Variants in OPHN1 observed in about 807,000 individuals in gnomAD.
OPHN1 encodes the protein oligophrenin-1.
OPHN1 carries 11 observed loss-of-function variants against 60.7 expected under a neutral mutation model. The ratio of observed to expected loss-of-function variants is 0.18; its 90% CI spans 0.11 to 0.30. The LOEUF (loss-of-function observed/expected upper bound fraction) is 0.30, where lower values mean the gene tolerates loss of function less well. Ranked by LOEUF, OPHN1 falls within the 10% of genes least tolerant of loss-of-function variation. OPHN1 has a pLI of 1.00. For missense variants in OPHN1, 449 were observed against 611.0 expected, an observed-to-expected ratio of 0.73 and a Z score of 2.80; for synonymous variants, 226 against 222.6, an observed-to-expected ratio of 1.02 and a Z score of -0.14.
intron 15 of OPHN1, among the ~76,000 whole-genome samples, chrX:68,159,640 T>C (rs1321006990): frequency 8.9e-6 from 1 of 111,913 alleles, no homozygotes; most frequent in Non-Finnish European, 1.9e-5. Context: ...TTACATAACG[T>C]ATTTAGACGT....
Position 68,268,087 on chromosome X carries a change from C to T in OPHN1, c.384+6651G>A, listed in dbSNP as rs143549288. ...GTCCAGGAGCAGATGCATTCACAGC[C>T]GAATTCTACAGAATACAGAGGTACA... On this transcript the variant is annotated intron_variant, in intron 5 of 24. Coordinates refer to ENST00000355520, the MANE Select transcript of OPHN1 (RefSeq NM_002547.3). Among the ~76,000 whole-genome samples the T allele has an allele frequency of 3.7e-4, 41 of 111,057 alleles. No homozygotes were observed. In the East Asian group the frequency reaches 4.8e-3, roughly 13 times the overall value.
chrX:68,380,715 T>C (rs1221263223), intron 2 of OPHN1, among the ~76,000 whole-genome samples: 6 of 111,625 alleles, frequency 5.4e-5, no homozygotes. Flanking sequence ...AGCAGGTTGT[T>C]CAGTTTCCAT....
chrX:68,153,138 G>C (rs1231288526), intron 15 of OPHN1, among the ~76,000 whole-genome samples: 1 of 106,605 alleles, frequency 9.4e-6, no homozygotes, highest in African/African-American at 3.4e-5. Context: ...TTGAACCCGG[G>C]AGGCGGAGGT....
intron 15 of OPHN1, among the ~76,000 whole-genome samples, chrX:68,138,474 G>A (rs754912978): frequency 1.8e-5 from 2 of 111,850 alleles, no homozygotes; most frequent in South Asian, 7.5e-4. Context: ...TGTATTGTAT[G>A]ACTATATGGG....
At chrX:68,365,170 C>T (rs1359911406) in intron 2 of OPHN1, among the ~76,000 whole-genome samples, 2 of 111,057 alleles carry the variant, frequency 1.8e-5, no homozygotes, top group South Asian at 3.8e-4. Context: ...TTATACCATG[C>T]GGTTCCAGAT....
intron 2 of OPHN1, among the ~76,000 whole-genome samples, chrX:68,395,886 ATTAAGT>A (rs1304129861): frequency 9.0e-6 from 1 of 111,451 alleles, no homozygotes; most frequent in Non-Finnish European, 1.9e-5. Flanking sequence ...ACGCCCAGCC[ATTAAGT>A]TTAAGTATTT....
chrX:68,162,434 T>A (rs2077339122), intron 15 of OPHN1, among the ~76,000 whole-genome samples: 1 of 110,323 alleles, frequency 9.1e-6, no homozygotes, highest in Non-Finnish European at 1.9e-5. Flanking sequence ...AGATTATTTT[T>A]TGAAAGCGTA....
intron 15 of OPHN1, among the ~76,000 whole-genome samples, chrX:68,179,169 T>C: frequency 9.3e-6 from 1 of 108,080 alleles, no homozygotes; most frequent in African/African-American, 3.2e-5. Context: ...TATTGTTGTA[T>C]ATAGGAAAGA....
At chrX:68,310,999 A>C (rs971559991) in intron 2 of OPHN1, among the ~76,000 whole-genome samples, 1 of 112,527 alleles carries the variant, frequency 8.9e-6, no homozygotes, top group Non-Finnish European at 1.9e-5. Flanking sequence ...TCATGCCTGT[A>C]ATTCCAGCAC....
chrX:68,272,792 C>G (rs2077975714), intron 5 of OPHN1, among the ~76,000 whole-genome samples: 1 of 112,354 alleles, frequency 8.9e-6, no homozygotes, highest in Admixed American at 9.4e-5. Context: ...TCCATTTGCT[C>G]AGATAATATG....
At chrX:68,141,945 AAAGAAAGAAAGAAAG>A (rs1297198170) in intron 15 of OPHN1, among the ~76,000 whole-genome samples, 1 of 77,909 alleles carries the variant, frequency 1.3e-5, no homozygotes, top group East Asian at 4.3e-4. Flanking sequence ...AGAAAGAAAG[AAAGAAAGAAAGAAAG>A]AAGAGAGGCA....
At chrX:68,075,246 T>C (rs1368680948) in intron 19 of OPHN1, among the ~76,000 whole-genome samples, 1 of 112,040 alleles carries the variant, frequency 8.9e-6, no homozygotes, top group African/African-American at 3.2e-5. Context: ...GAAGACTGAA[T>C]TGGGAGTATG....
chrX:68,378,153 G>C (rs2078571521), intron 2 of OPHN1, among the ~76,000 whole-genome samples: 1 of 112,092 alleles, frequency 8.9e-6, no homozygotes, highest in Admixed American at 9.5e-5. Context: ...TCTCATTGTG[G>C]TTTTGATTTG....
chrX:68,169,803 T>C (rs79845718), intron 15 of OPHN1, among the ~76,000 whole-genome samples: 25,241 of 94,587 alleles, frequency 0.27, 4,263 homozygotes, highest in African/African-American at 0.42. Flanking sequence ...AAGACTTACA[T>C]GTTAGACCTA....
intron 2 of OPHN1, among the ~76,000 whole-genome samples, chrX:68,337,803 A>C (rs1244080282): frequency 1.8e-5 from 2 of 110,592 alleles, no homozygotes; most frequent in African/African-American, 3.3e-5. Context: ...AACCAAAAAA[A>C]AAAAAAAAAG....
chrX:68,090,959 G>A (rs976521152), intron 19 of OPHN1, among the ~76,000 whole-genome samples: 6 of 111,299 alleles, frequency 5.4e-5, no homozygotes, highest in Middle Eastern at 4.6e-3. Context: ...TGATTAAAAA[G>A]CAGATGCCCA....
At chrX:68,077,549 A>G (rs912159929) in intron 19 of OPHN1, among the ~76,000 whole-genome samples, 1 of 112,382 alleles carries the variant, frequency 8.9e-6, no homozygotes, top group East Asian at 2.8e-4. Flanking sequence ...ATTTTAAAGT[A>G]GCTTATGGAA....
At chrX:68,333,452 A>G (rs934032321) in intron 2 of OPHN1, among the ~76,000 whole-genome samples, 1 of 110,322 alleles carries the variant, frequency 9.1e-6, no homozygotes, top group African/African-American at 3.3e-5. Context: ...CCTGGACAAC[A>G]TGGCGAAAAC....
chrX:68,268,542 G>C (rs375805894), intron 5 of OPHN1, among the ~76,000 whole-genome samples: 31 of 111,332 alleles, frequency 2.8e-4, no homozygotes, highest in Non-Finnish European at 4.5e-4. Context: ...ATTCAACAAC[G>C]CTTCATGCTA....
Sources: gnomAD v4.1 joint callset for allele counts (sites outside exome capture counted in the v4.1 genomes callset) on GRCh38, gnomAD v4.1.1 for gene constraint, MANE v1.5 for transcripts, NCBI Gene and HGNC (gene_info 2026-07-23, HGNC 2026-07-21) for gene names.